Variants in H1-3 observed in about 807,000 individuals in gnomAD.
The protein encoded by H1-3 is histone H1.3.
A neutral mutation model predicts 3.6 loss-of-function variants in H1-3; 4 were observed. The observed-to-expected ratio is 1.12, with a 90% confidence interval of 0.55 to 2.57. H1-3 has a LOEUF of 2.57. H1-3 is among the 30% of genes most tolerant of loss of function. The probability of loss-of-function intolerance (pLI) is 0.02; values close to 1 mark genes in which losing one functional copy is unlikely to be tolerated. For synonymous variants in H1-3, 266 were observed against 110.0 expected, an observed-to-expected ratio of 2.42 and a Z score of -8.87; for missense variants, 670 against 274.3, an observed-to-expected ratio of 2.44 and a Z score of -10.19.
In H1-3 at chr6:26,234,978, A is replaced by C. The variant is rs765632475; in HGVS notation, c.-45T>G. Reference sequence around the variant, plus strand: ...AGACAATAAGTAATCTCAAACTGTCAGAACAGCATGTCCTCTACGAGGGAG... The same window carrying C: ...AGACAATAAGTAATCTCAAACTGTCCGAACAGCATGTCCTCTACGAGGGAG... On this transcript the variant is annotated 5_prime_UTR_variant, in exon 1 of 1. The change abolishes the stop of an existing upstream ORF in the 5' untranslated region. Coordinates refer to ENST00000244534, the MANE Select transcript of H1-3 (RefSeq NM_005320.3). 2.5e-5 allele frequency: 38 copies of C among 1,528,596 alleles called. No homozygotes were observed. Among genetic ancestry groups the C allele is most frequent in the Middle Eastern group, 3.8e-4 (2 of 5,286 alleles). The allele number at this position is 1,528,596 out of a possible 1,614,324, so 94.7% of individuals were successfully genotyped here.
rs201163962 is a variant in H1-3, at chr6:26,234,223, G to A, written c.*45C>T. 29 of 1,543,706 alleles carry A rather than the reference G, an allele frequency of 1.9e-5. No individual in the cohort carries two copies. Among genetic ancestry groups the A allele is most frequent in the Non-Finnish European group, 2.5e-5 (29 of 1,147,144 alleles). ...TTGACTGAGACCTGTGGGTGGCTCT[G>A]AAAAGAGCCGTTTAAAATTTTCAAA... On this transcript the variant is annotated 3_prime_UTR_variant, in exon 1 of 1. Coordinates refer to ENST00000244534, the MANE Select transcript of H1-3 (RefSeq NM_005320.3).
rs750506011 is a variant in H1-3 at position 26,234,604 on chromosome 6, C to T, written c.330G>A (p.Lys110=). The T allele has an allele frequency of 8.7e-6, 14 of 1,614,084 alleles. No homozygotes were observed. The highest frequency in any genetic ancestry group is 5.5e-5 in the South Asian group (5 of 91,074). ...GTTTGCCTTCCCCGGAAGCCGCTTTCTTGTTGAGTTTGAAGGAGCCAGAAG... is the reference window on the plus strand; with the variant it reads ...GTTTGCCTTCCCCGGAAGCCGCTTTTTTGTTGAGTTTGAAGGAGCCAGAAG... ...TGASGSFKLN[K]KAASGEGKPK... The change falls in exon 1 of 1, where the codon AAG becomes AAA. Residue 110 remains lysine (K), a synonymous_variant. Transcript: ENST00000244534.
chr6:26,234,863 G>C lies in H1-3; in HGVS notation c.71C>G (p.Ala24Gly). 1 of 1,613,938 alleles carries C rather than the reference G, an allele frequency of 6.2e-7. No homozygotes were observed. The highest frequency in any genetic ancestry group is 8.5e-7 in the Non-Finnish European group (1 of 1,179,926). The change falls in exon 1 of 1, where the codon GCG (alanine) becomes GGG (glycine). Residue 24 changes from alanine to glycine, a missense_variant. Transcript: ENST00000244534. ...PAEKTPVKKK[A>G]KKAGATAGKR... Reference sequence around the variant, plus strand: ...CCCAGCAGTTGCGCCTGCCTTCTTCGCCTTTTTCTTCACAGGTGTTTTTTC... The same window carrying C: ...CCCAGCAGTTGCGCCTGCCTTCTTCCCCTTTTTCTTCACAGGTGTTTTTTC...
rs777413312 is a variant in H1-3, at chr6:26,234,430, G to A, written c.504C>T (p.Thr168=). ...KVKKPATAAG[T]KKVAKSAKKV... ...TTTTCGCACTCTTGGCCACTTTCTT[G>A]GTCCCAGCAGCGGTTGCTGGCTTCT... The change falls in exon 1 of 1, where the codon ACC becomes ACT. Residue 168 remains threonine (T), a synonymous_variant. Transcript: ENST00000244534. 6 of 1,614,106 alleles carry A rather than the reference G, an allele frequency of 3.7e-6. No individual in the cohort carries two copies. Among genetic ancestry groups the A allele is most frequent in the Admixed American group, 3.3e-5 (2 of 60,018 alleles).
At position 26,234,466 on chromosome 6, in the gene H1-3, A is replaced by T; in HGVS notation, c.468T>A (p.Pro156=). The T allele has an allele frequency of 6.2e-7, 1 of 1,613,948 alleles. No individual in the cohort carries two copies. Among genetic ancestry groups the T allele is most frequent in the Non-Finnish European group, 8.5e-7 (1 of 1,179,938 alleles). The change falls in exon 1 of 1, where the codon CCT becomes CCA. Residue 156 remains proline (P), a synonymous_variant. Transcript: ENST00000244534. ...ATPKKSIKKT[P]KKVKKPATAA... ...CGGTTGCTGGCTTCTTTACCTTCTT[A>T]GGAGTCTTTTTGATGCTTTTCTTCG...
chr6:26,234,955 A>G lies in H1-3; in HGVS notation c.-22T>C, dbSNP rs767608650. ...ACATGTTTTTGTCTTCCCAGAAAAG[A>G]CAATAAGTAATCTCAAACTGTCAGA... On this transcript the variant is annotated 5_prime_UTR_variant, in exon 1 of 1. Coordinates refer to ENST00000244534, the MANE Select transcript of H1-3 (RefSeq NM_005320.3). 2.5e-6 allele frequency: 4 copies of G among 1,575,710 alleles called. No homozygotes were observed. The highest frequency in any genetic ancestry group is 1.7e-6 in the Non-Finnish European group (2 of 1,164,114).
rs1561753561 is a variant in H1-3, at chr6:26,234,957, A to C, written c.-24T>G. The C allele has an allele frequency of 1.3e-6, 2 of 1,574,746 alleles. No homozygotes were observed. The highest frequency in any genetic ancestry group is 1.7e-6 in the Non-Finnish European group (2 of 1,163,530). On this transcript the variant is annotated 5_prime_UTR_variant, in exon 1 of 1. It adds an upstream start codon to the 5' untranslated region. Coordinates refer to ENST00000244534, the MANE Select transcript of H1-3 (RefSeq NM_005320.3). ...ATGTTTTTGTCTTCCCAGAAAAGAC[A>C]ATAAGTAATCTCAAACTGTCAGAAC... is the stretch of plus-strand genomic sequence containing the variant.
rs113622900 is a variant in H1-3 at position 26,234,977 on chromosome 6, C to T, written c.-44G>A. 2,422 of 1,533,030 alleles carry T rather than the reference C, an allele frequency of 1.6e-3. 55 individuals are homozygous for T. The East Asian group carries it at 0.035, about 22-fold the overall frequency. The allele number at this position is 1,533,030 out of a possible 1,614,324, so 95.0% of individuals were successfully genotyped here. A position where few individuals can be genotyped will look rare whatever the true frequency, so the allele number is the denominator to read the frequency against. On this transcript the variant is annotated 5_prime_UTR_variant, in exon 1 of 1. An upstream open reading frame in the 5' UTR loses its in-frame stop. Coordinates refer to ENST00000244534, the MANE Select transcript of H1-3 (RefSeq NM_005320.3). ...AAGACAATAAGTAATCTCAAACTGT[C>T]AGAACAGCATGTCCTCTACGAGGGA...
chr6:26,234,477 T>A lies in H1-3; in HGVS notation c.457A>T (p.Lys153Ter). The change falls in exon 1 of 1, where the codon AAA (lysine) becomes TAA (stop). Residue 153 changes from lysine (K) to a stop codon, truncating the protein, a stop_gained. Coordinates refer to ENST00000244534, the MANE Select transcript of H1-3 (RefSeq NM_005320.3). LOFTEE classifies it low-confidence loss of function (END_TRUNC). ...AGAATPKKSIKKTPKKVKKPA... is the reference protein window; with the variant it reads ...AGAATPKKSI The stretch of plus-strand genomic sequence containing the variant: ...TTCTTTACCTTCTTAGGAGTCTTTT[T>A]GATGCTTTTCTTCGGGGTAGCGGCG... 1 of 1,614,072 alleles carries A rather than the reference T, an allele frequency of 6.2e-7. No individual in the cohort carries two copies. The highest frequency in any genetic ancestry group is 1.1e-5 in the South Asian group (1 of 91,088).
chr6:26,234,835 T>A lies in H1-3; in HGVS notation c.99A>T (p.Lys33Asn). ...ATACTGGGGGTCCGGATGCTTTGCG[T>A]TTCCCAGCAGTTGCGCCTGCCTTCT... The part of the protein sequence containing the change: ...KAKKAGATAG[K>N]RKASGPPVSE... The change falls in exon 1 of 1, where the codon AAA (lysine) becomes AAT (asparagine). Residue 33 changes from lysine to asparagine, a missense_variant. Transcript: ENST00000244534. The A allele has an allele frequency of 6.2e-7, 1 of 1,614,200 alleles. No individual in the cohort carries two copies.
rs1358309067 is a variant in H1-3, at chr6:26,234,547, A to C, written c.387T>G (p.Pro129=). The C allele has an allele frequency of 1.2e-6, 2 of 1,612,788 alleles. No homozygotes were observed. The highest frequency in any genetic ancestry group is 1.7e-6 in the Non-Finnish European group (2 of 1,179,750). Residue 129 remains proline, a synonymous_variant, in exon 1 of 1, where the codon CCT becomes CCG. Coordinates refer to ENST00000244534, the MANE Select transcript of H1-3 (RefSeq NM_005320.3). The stretch of plus-strand genomic sequence containing the variant: ...TCTTGGCTGCCCCAGCAGGCTTCCT[A>C]GGCTTGGCTGCGCCAGCCTTTTTGG... ...PKAKKAGAAK[P]RKPAGAAKKP... is the part of the protein sequence containing the mutation.
Position 26,234,463 on chromosome 6 carries a change from CTTAGGAGTCTTT to C in H1-3, c.459_470del (p.Thr155_Lys158del). 2 of 1,614,098 alleles carry C rather than the reference CTTAGGAGTCTTT, an allele frequency of 1.2e-6. No individual in the cohort carries two copies. The highest frequency in any genetic ancestry group is 4.5e-5 in the East Asian group (2 of 44,888). ...CAGCGGTTGCTGGCTTCTTTACCTTCTTAGGAGTCTTTTTGATGCTTTTCTTCGGGGTAGCGG... is the reference window on the plus strand; with the variant it reads ...CAGCGGTTGCTGGCTTCTTTACCTTCTTGATGCTTTTCTTCGGGGTAGCGG... On this transcript the variant is annotated inframe_deletion, in exon 1 of 1. Transcript: ENST00000244534.
In H1-3 at chr6:26,234,611, A is replaced by G. The variant is rs1759742271; in HGVS notation, c.323T>C (p.Leu108Pro). 1 of 1,613,662 alleles carries G rather than the reference A, an allele frequency of 6.2e-7. No homozygotes were observed. Among genetic ancestry groups the G allele is most frequent in the African/African-American group, 1.3e-5 (1 of 74,782 alleles). ...TTCCCCGGAAGCCGCTTTCTTGTTGAGTTTGAAGGAGCCAGAAGCACCGGT... is the reference window on the plus strand; with the variant it reads ...TTCCCCGGAAGCCGCTTTCTTGTTGGGTTTGAAGGAGCCAGAAGCACCGGT... ...KGTGASGSFK[L>P]NKKAASGEGK... The change falls in exon 1 of 1, where the codon CTC (leucine) becomes CCC (proline). Residue 108 changes from leucine to proline, a missense_variant. By Grantham distance (98) the Leu-to-Pro change is moderately conservative. Coordinates refer to ENST00000244534, the MANE Select transcript of H1-3 (RefSeq NM_005320.3).
rs760412208 is a variant in H1-3 at position 26,234,372 on chromosome 6, T to G, written c.562A>C (p.Lys188Gln). 2.5e-6 allele frequency: 4 copies of G among 1,614,234 alleles called. No homozygotes were observed. The highest frequency in any genetic ancestry group is 1.7e-5 in the Admixed American group (1 of 60,034). Residue 188 changes from lysine (K) to glutamine (Q), a missense_variant, in exon 1 of 1, where the codon AAG becomes CAG. Physicochemically the swap from Lys to Gln is moderately conservative, Grantham distance 53 (BLOSUM62 1). Transcript: ENST00000244534. ...VKTPQPKKAA[K>Q]SPAKAKAPKP... Reference sequence around the variant, plus strand: ...GGGGCTTTGGCCTTAGCTGGACTCTTGGCAGCTTTTTTTGGCTGAGGTGTT... The same window carrying G: ...GGGGCTTTGGCCTTAGCTGGACTCTGGGCAGCTTTTTTTGGCTGAGGTGTT...
chr6:26,234,928 C>T lies in H1-3; in HGVS notation c.6G>A (p.Ser2=). The T allele has an allele frequency of 1.9e-6, 3 of 1,598,868 alleles. No homozygotes were observed. The highest frequency in any genetic ancestry group is 1.7e-4 in the Middle Eastern group (1 of 5,950). M[S]ETAPLAPTIP... ...TGGTAGGAGCAAGTGGAGCAGTCTC[C>T]GACATGTTTTTGTCTTCCCAGAAAA... Residue 2 remains serine, a synonymous_variant, in exon 1 of 1, where the codon TCG becomes TCA. Coordinates refer to ENST00000244534, the MANE Select transcript of H1-3 (RefSeq NM_005320.3).
In H1-3 at chr6:26,234,669, C is replaced by T. The variant is rs769329952; in HGVS notation, c.265G>A (p.Val89Met). 3 of 1,614,172 alleles carry T rather than the reference C, an allele frequency of 1.9e-6. No individual in the cohort carries two copies. The South Asian group carries it at 3.3e-5, about 18-fold the overall frequency. The change falls in exon 1 of 1, where the codon GTG becomes ATG. Residue 89 changes from valine to methionine, a missense_variant. Coordinates refer to ENST00000244534, the MANE Select transcript of H1-3 (RefSeq NM_005320.3). ...SRIKLGLKSL[V>M]SKGTLVQTKG... is the part of the protein sequence containing the mutation. ...GTCTGCACCAGAGTACCTTTGCTCA[C>T]CAAGCTCTTGAGGCCAAGCTTGATA...
rs181724833 is a variant in H1-3 at position 26,234,954 on chromosome 6, G to A, written c.-21C>T. Reference sequence around the variant, plus strand: ...GACATGTTTTTGTCTTCCCAGAAAAGACAATAAGTAATCTCAAACTGTCAG... The same window carrying A: ...GACATGTTTTTGTCTTCCCAGAAAAAACAATAAGTAATCTCAAACTGTCAG... On this transcript the variant is annotated 5_prime_UTR_variant, in exon 1 of 1. Coordinates refer to ENST00000244534, the MANE Select transcript of H1-3 (RefSeq NM_005320.3). The A allele has an allele frequency of 1.0e-4, 165 of 1,577,204 alleles. No homozygotes were observed. Among genetic ancestry groups the A allele is most frequent in the Non-Finnish European group, 1.3e-4 (148 of 1,164,974 alleles).
chr6:26,234,521 T>A lies in H1-3; in HGVS notation c.413A>T (p.Lys138Met). 6.2e-7 allele frequency: 1 copy of A among 1,613,810 alleles called. No homozygotes were observed. Among genetic ancestry groups the A allele is most frequent in the Non-Finnish European group, 8.5e-7 (1 of 1,179,972 alleles). Residue 138 changes from lysine to methionine, a missense_variant, in exon 1 of 1, where the codon AAG becomes ATG. Lys to Met is a moderately conservative substitution (Grantham distance 95, BLOSUM62 -1). Transcript: ENST00000244534. ...AGCGGCGCCAGCCACCTTCTTGGGC[T>A]TCTTGGCTGCCCCAGCAGGCTTCCT... Reference protein sequence around the residue: ...KPRKPAGAAKKPKKVAGAATP... With the variant: ...KPRKPAGAAKMPKKVAGAATP...
chr6:26,234,503 C>G lies in H1-3; in HGVS notation c.431G>C (p.Gly144Ala), dbSNP rs1759737608. ...GAAKKPKKVAGAATPKKSIKK... is the reference protein window; with the variant it reads ...GAAKKPKKVAAAATPKKSIKK... ...GATGCTTTTCTTCGGGGTAGCGGCG[C>G]CAGCCACCTTCTTGGGCTTCTTGGC... Residue 144 changes from glycine to alanine, a missense_variant, in exon 1 of 1, where the codon GGC becomes GCC. Gly to Ala is a moderately conservative substitution (Grantham distance 60). Coordinates refer to ENST00000244534, the MANE Select transcript of H1-3 (RefSeq NM_005320.3). 1 of 1,613,870 alleles carries G rather than the reference C, an allele frequency of 6.2e-7. No individual in the cohort carries two copies. The highest frequency in any genetic ancestry group is 1.1e-5 in the South Asian group (1 of 91,084).
Sources: gnomAD v4.1 joint callset for allele counts on GRCh38, gnomAD v4.1.1 for gene constraint, MANE v1.5 for transcripts, NCBI Gene and HGNC (gene_info 2026-07-23, HGNC 2026-07-21) for gene names.